BCAT1: variants seen among roughly 807,000 people sequenced by gnomAD.
BCAT1 encodes the protein branched-chain-amino-acid aminotransferase, cytosolic.
In BCAT1, 48 loss-of-function variants were observed where a neutral mutation model predicts 52.4. The observed-to-expected ratio is 0.92, with a 90% CI of 0.73 to 1.16. The LOEUF (loss-of-function observed/expected upper bound fraction) is 1.16, where lower values mean the gene tolerates loss of function less well. BCAT1 is among the 50% of genes most tolerant of loss of function. The pLI, the probability that BCAT1 is intolerant of heterozygous loss-of-function variation, is 0.00. For synonymous variants in BCAT1, 167 were observed against 161.3 expected (o/e 1.04, Z -0.27); for missense variants, 451 against 457.1 (o/e 0.99, Z 0.12).
intron 1 of BCAT1, among the ~76,000 whole-genome samples, chr12:24,914,634 G>A (rs1943379861): frequency 6.6e-6 from 1 of 152,228 alleles, no homozygotes; most frequent in South Asian, 2.1e-4. Context: ...TCAGATTGCA[G>A]TGGCAATCTT....
rs1941455068 is a variant in BCAT1 at position 24,849,886 on chromosome 12, G to T, written c.574C>A (p.Pro192Thr). The change falls in exon 6 of 11, where the codon CCT (proline) becomes ACT (threonine). Residue 192 changes from proline (P) to threonine (T), a missense_variant. Pro to Thr is a conservative substitution (Grantham distance 38). Transcript: ENST00000261192. The stretch of plus-strand genomic sequence containing the variant: ...TTAAAGGTTCCACTTGAAAAATAAG[G>T]TCCCACTGGGCTCAAGAGTACAAAG... ...LLFVLLSPVG[P>T]YFSSGTFNPV... 1.2e-6 allele frequency: 2 copies of T among 1,613,674 alleles called. No individual in the cohort carries two copies. The highest frequency in any genetic ancestry group is 2.2e-5 in the South Asian group (2 of 91,050).
intron 1 of BCAT1, chr12:24,902,629 C>G (rs953011118): frequency 9.0e-6 from 4 of 443,320 alleles, no homozygotes; most frequent in African/African-American, 6.2e-5. Flanking sequence ...ATTCAGCTCC[C>G]GCCTCCTCCC....
chr12:24,909,083 C>T (rs1943272640), intron 1 of BCAT1, among the ~76,000 whole-genome samples: 1 of 151,626 alleles, frequency 6.6e-6, no homozygotes, highest in African/African-American at 2.4e-5. Context: ...TATATGTAGC[C>T]CTTGGATTAC....
chr12:24,832,997 G>A, intron 8 of BCAT1, 134 bp from the exon 9 acceptor site: 1 of 950,332 alleles, frequency 1.1e-6, no homozygotes, highest in Non-Finnish European at 1.5e-6. Flanking sequence ...GGGAAAGCTG[G>A]AAGTGGCACA....
chr12:24,818,582 C>T lies in BCAT1; in HGVS notation c.1120-533G>A, dbSNP rs11833854. On this transcript the variant is annotated intron_variant, in intron 10 of 10. Transcript: ENST00000261192. ...TGATTCAGCAAGCATCAAATGATTC[C>T]GACATGCACTAAAGAGTGTTTTATG... 3.4e-3 allele frequency among the ~76,000 whole-genome samples: 519 copies of T among 152,200 alleles called. 3 individuals are homozygous for T. Among genetic ancestry groups the T allele is most frequent in the African/African-American group, 0.012 (498 of 41,532 alleles).
intron 3 of BCAT1, among the ~76,000 whole-genome samples, chr12:24,886,106 T>C (rs952120726): frequency 2.6e-5 from 4 of 152,154 alleles, no homozygotes; most frequent in African/African-American, 9.7e-5. Context: ...AAGAACATAT[T>C]TAGCAACCCA....
chr12:24,915,783 T>C (rs1396362025), intron 1 of BCAT1, among the ~76,000 whole-genome samples: 1 of 152,196 alleles, frequency 6.6e-6, no homozygotes, highest in African/African-American at 2.4e-5. Flanking sequence ...GATATTTAAA[T>C]AGATATATTT....
upstream of BCAT1, chr12:24,949,186 C>T: frequency 1.9e-6 from 1 of 536,922 alleles, no homozygotes; most frequent in Non-Finnish European, 3.3e-6. Context: ...CAGGCCGCCC[C>T]CAGATGGTGG....
intron 5 of BCAT1, among the ~76,000 whole-genome samples, chr12:24,871,934 AT>A (rs1447872210): frequency 2.0e-5 from 3 of 152,228 alleles, no homozygotes; most frequent in Non-Finnish European, 4.4e-5. Context: ...AAAACTGAAT[AT>A]TGTTTATAAA....
chr12:24,900,081 CAGAGA>C (rs1173691157), intron 2 of BCAT1, among the ~76,000 whole-genome samples: 3 of 151,838 alleles, frequency 2.0e-5, no homozygotes, highest in African/African-American at 7.3e-5. Flanking sequence ...TTTTTTGAGA[CAGAGA>C]AAAGTATATC....
intron 1 of BCAT1, 184 bp from the exon 2 acceptor site, chr12:24,902,069 T>TGCCCTGCACTTCCC (rs1288797564): frequency 9.2e-6 from 14 of 1,514,630 alleles, no homozygotes; most frequent in African/African-American, 1.4e-5. Flanking sequence ...TTGGGAGCGC[T>TGCCCTGCACTTCCC]GCCCTGCACT....
chr12:24,926,439 G>A (rs1303647771), intron 1 of BCAT1, among the ~76,000 whole-genome samples: 10 of 152,308 alleles, frequency 6.6e-5, no homozygotes, highest in Admixed American at 1.3e-4. Context: ...CTGCCCGGCC[G>A]CCACCCCGTC....
chr12:24,881,238 G>T, intron 4 of BCAT1, 63 bp downstream of exon 4: 2 of 1,132,290 alleles, frequency 1.8e-6, no homozygotes, highest in South Asian at 1.4e-5. Flanking sequence ...TATTTATTTG[G>T]TGGTCAACAC....
chr12:24,833,176 C>A (rs559656313), intron 8 of BCAT1, among the ~76,000 whole-genome samples: 17 of 152,148 alleles, frequency 1.1e-4, no homozygotes, highest in Non-Finnish European at 2.4e-4. Context: ...TGTATAAAGT[C>A]TCACAAAATT....
At chr12:24,836,628 T>G in intron 7 of BCAT1, 32 bp from the exon 8 acceptor site, 4 of 1,537,712 alleles carry the variant, frequency 2.6e-6, no homozygotes, top group Non-Finnish European at 3.6e-6. Context: ...ATTTTCAAAC[T>G]TTCACTACAT....
At chr12:24,909,549 C>T (rs1021400476) in intron 1 of BCAT1, among the ~76,000 whole-genome samples, 2 of 152,184 alleles carry the variant, frequency 1.3e-5, no homozygotes, top group Non-Finnish European at 2.9e-5. Flanking sequence ...GAGGTGTGGA[C>T]AGGCCCAGCT....
intron 4 of BCAT1, 53 bp from the exon 5 acceptor site, chr12:24,878,702 T>A: frequency 6.7e-7 from 1 of 1,502,478 alleles, no homozygotes. Flanking sequence ...AATGTGGCAA[T>A]AATAAATGAT....
intron 1 of BCAT1, among the ~76,000 whole-genome samples, chr12:24,925,897 T>C (rs1027937484): frequency 6.6e-6 from 1 of 152,226 alleles, no homozygotes; most frequent in Non-Finnish European, 1.5e-5. Flanking sequence ...CAGTGCTCAA[T>C]GTTGCCCAAG....
At chr12:24,918,847 G>A (rs1943458861) in intron 1 of BCAT1, among the ~76,000 whole-genome samples, 1 of 152,156 alleles carries the variant, frequency 6.6e-6, no homozygotes, top group African/African-American at 2.4e-5. Context: ...AGTTTTGCAT[G>A]GTAGAGATGC....
Sources: gnomAD v4.1 joint callset for allele counts (sites outside exome capture counted in the v4.1 genomes callset) on GRCh38, gnomAD v4.1.1 for gene constraint, MANE v1.5 for transcripts, NCBI Gene and HGNC (gene_info 2026-07-23, HGNC 2026-07-21) for gene names.